CSMD1: variants seen among roughly 807,000 people sequenced by gnomAD.
CSMD1 encodes CUB and Sushi multiple domains 1.
In CSMD1, 213 loss-of-function variants were observed where a neutral mutation model predicts 417.5. That is an observed-to-expected ratio of 0.51 (90% CI 0.46 to 0.57). The LOEUF (loss-of-function observed/expected upper bound fraction) is 0.57, where lower values mean the gene tolerates loss of function less well. Ranked by LOEUF, CSMD1 falls within the 20% of genes least tolerant of loss-of-function variation. CSMD1 has a pLI of 0.00. For missense variants in CSMD1, 6,923 were observed against 4,529.7 expected (o/e 1.53, Z -15.17); for synonymous variants, 2,862 against 1,736.8 (o/e 1.65, Z -16.11).
intron 1 of CSMD1, among the ~76,000 whole-genome samples, chr8:4,857,683 G>T (rs1010490234): frequency 6.6e-6 from 1 of 151,720 alleles, no homozygotes; most frequent in Non-Finnish European, 1.5e-5. Context: ...ATAAATTCCT[G>T]GACACATACA....
At chr8:3,521,767 C>A (rs1270058827) in intron 10 of CSMD1, among the ~76,000 whole-genome samples, 3 of 152,094 alleles carry the variant, frequency 2.0e-5, no homozygotes, top group African/African-American at 4.8e-5. Flanking sequence ...ATTGTATTCC[C>A]AGAACAAAAT....
chr8:3,462,386 C>A (rs969003465), intron 12 of CSMD1, among the ~76,000 whole-genome samples: 1 of 152,308 alleles, frequency 6.6e-6, no homozygotes, highest in Non-Finnish European at 1.5e-5. Flanking sequence ...CTGGGCCACA[C>A]AGCAGGAGGT....
chr8:3,948,595 C>A (rs985940821), intron 5 of CSMD1, among the ~76,000 whole-genome samples: 1 of 152,034 alleles, frequency 6.6e-6, no homozygotes, highest in African/African-American at 2.4e-5. Context: ...AAACGATGAA[C>A]GTGTTTTAAC....
In CSMD1 at chr8:4,885,773, GTTTCC is replaced by G. The variant is rs144421974; in HGVS notation, c.85+108554_85+108558del. Among the ~76,000 whole-genome samples, 392 of 151,738 alleles carry G rather than the reference GTTTCC, an allele frequency of 2.6e-3. 10 individuals carry two copies. The South Asian group carries it at 0.034, about 13-fold the overall frequency. On this transcript the variant is annotated intron_variant, in intron 1 of 69. Coordinates refer to ENST00000635120, the MANE Select transcript of CSMD1 (RefSeq NM_033225.6). ...AAACAATATTTTCACTTTCCTGATG[GTTTCC>G]TTTCATGTGCAAAGTTTTGAGTTCT...
intron 1 of CSMD1, among the ~76,000 whole-genome samples, chr8:4,892,797 T>C (rs934403063): frequency 6.6e-6 from 1 of 152,126 alleles, no homozygotes; most frequent in African/African-American, 2.4e-5. Context: ...AAATCTACCT[T>C]GTAGATGGGA....
intron 4 of CSMD1, among the ~76,000 whole-genome samples, chr8:4,012,695 T>A (rs1437713840): frequency 2.0e-5 from 3 of 152,146 alleles, no homozygotes; most frequent in Non-Finnish European, 2.9e-5. Context: ...ACTCCCTATT[T>A]CAACTCCATA....
At chr8:4,594,422 ACTC>A in intron 2 of CSMD1, among the ~76,000 whole-genome samples, 1 of 151,674 alleles carries the variant, frequency 6.6e-6, no homozygotes, top group Admixed American at 6.6e-5. Flanking sequence ...CTGGTCTCAA[ACTC>A]CTGAACTCAA....
chr8:4,761,653 T>C (rs1352873139), intron 1 of CSMD1, among the ~76,000 whole-genome samples: 1 of 152,096 alleles, frequency 6.6e-6, no homozygotes, highest in Non-Finnish European at 1.5e-5. Context: ...TTCAGAAGCA[T>C]ATAGACTACC....
intron 7 of CSMD1, among the ~76,000 whole-genome samples, chr8:3,699,489 C>G (rs973855850): frequency 1.3e-5 from 2 of 152,216 alleles, no homozygotes; most frequent in Admixed American, 6.5e-5. Flanking sequence ...TTAAAGAGGA[C>G]TTGGTGGCGC....
Position 4,041,219 on chromosome 8 carries a change from G to C in CSMD1, c.416-9120C>G, listed in dbSNP as rs11136694. On this transcript the variant is annotated intron_variant, in intron 3 of 69. Coordinates refer to ENST00000635120, the MANE Select transcript of CSMD1 (RefSeq NM_033225.6). ...TTTTTGGTAGAGACGGGGTTTCACCGTGTTAGCCAGGATGGTCACGATCTC... is the reference window on the plus strand; with the variant it reads ...TTTTTGGTAGAGACGGGGTTTCACCCTGTTAGCCAGGATGGTCACGATCTC... 7.0e-3 allele frequency among the ~76,000 whole-genome samples: 1,057 copies of C among 151,530 alleles called. 10 individuals are homozygous for C. The highest frequency in any genetic ancestry group is 0.016 in the African/African-American group (680 of 41,318).
intron 1 of CSMD1, among the ~76,000 whole-genome samples, chr8:4,855,095 G>A (rs1230437709): frequency 6.6e-6 from 1 of 151,846 alleles, no homozygotes. Context: ...TCCTCAAGTG[G>A]GTCCCTGACC....
At chr8:3,802,747 C>T (rs1225816643) in intron 5 of CSMD1, among the ~76,000 whole-genome samples, 1 of 152,106 alleles carries the variant, frequency 6.6e-6, no homozygotes, top group Non-Finnish European at 1.5e-5. Flanking sequence ...ATCCCAAAAG[C>T]GTGATGCAAA....
At chr8:3,283,449 T>C (rs1246209241) in intron 26 of CSMD1, among the ~76,000 whole-genome samples, 1 of 152,140 alleles carries the variant, frequency 6.6e-6, no homozygotes, top group Admixed American at 6.5e-5. Flanking sequence ...GTTTTTTTTT[T>C]TATGTAACTA....
At chr8:3,833,708 C>CAT (rs1200117138) in intron 5 of CSMD1, among the ~76,000 whole-genome samples, 15 of 152,036 alleles carry the variant, frequency 9.9e-5, no homozygotes, top group Admixed American at 9.8e-4. Flanking sequence ...TGACTGGTTA[C>CAT]ATATATATAA....
intron 2 of CSMD1, among the ~76,000 whole-genome samples, chr8:4,628,220 A>C (rs749661961): frequency 9.2e-5 from 14 of 151,384 alleles, no homozygotes; most frequent in Non-Finnish European, 1.6e-4. Flanking sequence ...TGTAGTTCTA[A>C]AAGTGCATCT....
At chr8:4,784,380 C>T (rs1797299745) in intron 1 of CSMD1, among the ~76,000 whole-genome samples, 1 of 152,168 alleles carries the variant, frequency 6.6e-6, no homozygotes, top group South Asian at 2.1e-4. Context: ...ACTGTGCTAC[C>T]TTGTAACACA....
At chr8:4,669,914 C>T (rs1046288498) in intron 1 of CSMD1, among the ~76,000 whole-genome samples, 2 of 152,130 alleles carry the variant, frequency 1.3e-5, no homozygotes, top group African/African-American at 4.8e-5. Context: ...CCCCAGTGTG[C>T]TATACTCCTT....
chr8:3,046,977 A>T (rs926568615), intron 50 of CSMD1, among the ~76,000 whole-genome samples: 1 of 152,142 alleles, frequency 6.6e-6, no homozygotes, highest in African/African-American at 2.4e-5. Context: ...TGGGAGGCCG[A>T]GGCGGGTGAA....
intron 10 of CSMD1, among the ~76,000 whole-genome samples, chr8:3,502,258 G>A (rs555919436): frequency 7.9e-5 from 12 of 151,542 alleles, no homozygotes; most frequent in African/African-American, 2.9e-4. Flanking sequence ...CCAGCTACTC[G>A]GGAGGCTGAG....
Sources: allele counts gnomAD v4.1 joint callset (sites outside exome capture counted in the v4.1 genomes callset), GRCh38; gene constraint gnomAD v4.1.1; transcripts MANE v1.5; gene names NCBI Gene and HGNC (gene_info 2026-07-23, HGNC 2026-07-21).